Variants in KHDRBS2 observed in about 807,000 individuals in gnomAD.
KHDRBS2 encodes KH RNA binding domain containing, signal transduction associated 2.
A neutral mutation model predicts 44.3 loss-of-function variants in KHDRBS2; 26 were observed. That is an observed-to-expected ratio of 0.59 (90% CI 0.43 to 0.81). KHDRBS2 has a LOEUF of 0.81. KHDRBS2 is among the 40% of genes least tolerant of loss of function. The pLI, the probability that KHDRBS2 is intolerant of heterozygous loss-of-function variation, is 0.00. For missense variants in KHDRBS2, 476 were observed against 433.1 expected, an observed-to-expected ratio of 1.10 and a Z score of -0.88; for synonymous variants, 194 against 151.1, an observed-to-expected ratio of 1.28 and a Z score of -2.08.
chr6:62,127,920 G>T (rs1475300648), intron 2 of KHDRBS2, among the ~76,000 whole-genome samples: 1 of 152,078 alleles, frequency 6.6e-6, no homozygotes, highest in Non-Finnish European at 1.5e-5. Context: ...GTTAACATCT[G>T]CCAGGGACCA....
Position 61,753,529 on chromosome 6 carries a change from T to C in KHDRBS2, c.811-20765A>G, listed in dbSNP as rs1215857595. On this transcript the variant is annotated intron_variant, in intron 6 of 8. Coordinates refer to ENST00000281156, the MANE Select transcript of KHDRBS2 (RefSeq NM_152688.4). ...GAGAATTGCAATTCATAGTCAGCTC[T>C]GCTGAGTTAATCAATAGGATCTTTT... Among the ~76,000 whole-genome samples, 5 of 152,228 alleles carry C rather than the reference T, an allele frequency of 3.3e-5. 1 individual carries two copies. Among genetic ancestry groups the C allele is most frequent in the Admixed American group, 1.3e-4 (2 of 15,284 alleles).
the KHDRBS2 span, among the ~76,000 whole-genome samples, chr6:61,672,771 G>A: frequency 6.2e-4 from 92 of 149,468 alleles, no homozygotes; most frequent in African/African-American, 1.6e-3. Context: ...AGTAGGTTGC[G>A]AAAATTTTCT....
At chr6:62,232,420 G>A (rs1833032979) in intron 1 of KHDRBS2, among the ~76,000 whole-genome samples, 1 of 152,078 alleles carries the variant, frequency 6.6e-6, no homozygotes, top group African/African-American at 2.4e-5. Flanking sequence ...ATAGAATGGA[G>A]ATTATATTTT....
intron 3 of KHDRBS2, among the ~76,000 whole-genome samples, chr6:62,002,860 A>T (rs1778511774): frequency 6.6e-6 from 1 of 151,926 alleles, no homozygotes; most frequent in Non-Finnish European, 1.5e-5. Context: ...GTTAAGTTAA[A>T]ATATGAGATT....
At chr6:61,965,532 A>T (rs914739944) in intron 4 of KHDRBS2, among the ~76,000 whole-genome samples, 10 of 152,046 alleles carry the variant, frequency 6.6e-5, no homozygotes, top group African/African-American at 2.2e-4. Context: ...TTAAAAAGCA[A>T]GAGAGGGTAG....
intron 2 of KHDRBS2, among the ~76,000 whole-genome samples, chr6:62,116,926 C>T (rs1317643941): frequency 2.0e-5 from 3 of 152,134 alleles, no homozygotes; most frequent in Admixed American, 2.0e-4. Context: ...TGGGATTTCA[C>T]TCTTTTCTTT....
intron 2 of KHDRBS2, among the ~76,000 whole-genome samples, chr6:62,061,687 CT>C (rs1791950334): frequency 1.3e-5 from 2 of 150,994 alleles, no homozygotes; most frequent in Admixed American, 1.3e-4. Flanking sequence ...TCTTTGTGGC[CT>C]TCTCTGTATT....
At chr6:62,107,757 G>T (rs1013023043) in intron 2 of KHDRBS2, among the ~76,000 whole-genome samples, 2 of 152,014 alleles carry the variant, frequency 1.3e-5, no homozygotes, top group Admixed American at 1.3e-4. Flanking sequence ...TATAAATCAA[G>T]GGAACAGAAC....
At chr6:61,585,653 G>C in the KHDRBS2 span, among the ~76,000 whole-genome samples, 2 of 152,158 alleles carry the variant, frequency 1.3e-5, no homozygotes, top group African/African-American at 2.4e-5. Flanking sequence ...AGTCATCAAA[G>C]AGGTTATGGT....
At chr6:61,871,878 T>C (rs1426746842) in intron 6 of KHDRBS2, among the ~76,000 whole-genome samples, 1 of 147,822 alleles carries the variant, frequency 6.8e-6, no homozygotes, top group Admixed American at 7.0e-5. Context: ...TCACTCATAA[T>C]TGGGAACTGA....
At chr6:61,673,265 T>C in the KHDRBS2 span, among the ~76,000 whole-genome samples, 6 of 152,070 alleles carry the variant, frequency 3.9e-5, no homozygotes, top group Non-Finnish European at 7.4e-5. Context: ...TAGTATAGTT[T>C]GAAGTCAGAT....
At position 61,962,265 on chromosome 6, in the gene KHDRBS2, C is replaced by G. The variant is rs532728000; in HGVS notation, c.483+15801G>C. 1.6e-3 allele frequency among the ~76,000 whole-genome samples: 240 copies of G among 152,122 alleles called. 8 individuals are homozygous for G. In the South Asian group the frequency reaches 0.046, roughly 29 times the overall value. ...GGTTAGGTTCTAAAAAGCTGGTCTC[C>G]CTAGGCTCCTGCTTCAGTAGAAAGA... On this transcript the variant is annotated intron_variant, in intron 4 of 8. Transcript: ENST00000281156.
chr6:61,709,940 G>A (rs541881779), intron 7 of KHDRBS2, among the ~76,000 whole-genome samples: 1 of 151,672 alleles, frequency 6.6e-6, no homozygotes, highest in Non-Finnish European at 1.5e-5. Context: ...TAATCTAGTT[G>A]ACTTTGCTAC....
At chr6:61,995,783 T>G (rs2127253784) in intron 3 of KHDRBS2, among the ~76,000 whole-genome samples, 1 of 152,278 alleles carries the variant, frequency 6.6e-6, no homozygotes, top group African/African-American at 2.4e-5. Flanking sequence ...AATCAGATAG[T>G]AGTTTATAAA....
intron 2 of KHDRBS2, among the ~76,000 whole-genome samples, chr6:62,138,326 A>C (rs1812018702): frequency 6.6e-6 from 1 of 152,206 alleles, no homozygotes; most frequent in South Asian, 2.1e-4. Context: ...CTAATCAGAT[A>C]ATTTGAAGAT....
intron 1 of KHDRBS2, among the ~76,000 whole-genome samples, chr6:62,263,644 G>C (rs1277655352): frequency 6.6e-6 from 1 of 151,396 alleles, no homozygotes; most frequent in African/African-American, 2.4e-5. Context: ...TCTTCACAAA[G>C]GTACATAATA....
intron 4 of KHDRBS2, among the ~76,000 whole-genome samples, chr6:61,977,613 A>G (rs1432997100): frequency 1.3e-5 from 2 of 152,174 alleles, no homozygotes; most frequent in Non-Finnish European, 2.9e-5. Context: ...ATGAAAATAC[A>G]TTGGATATGT....
At chr6:61,950,498 G>T (rs1473995908) in intron 4 of KHDRBS2, among the ~76,000 whole-genome samples, 1 of 151,852 alleles carries the variant, frequency 6.6e-6, no homozygotes, top group African/African-American at 2.4e-5. Context: ...ATGAATCAAT[G>T]ATGTTGATAT....
chr6:62,172,653 T>TA (rs1435473389), intron 2 of KHDRBS2, among the ~76,000 whole-genome samples: 1 of 120,314 alleles, frequency 8.3e-6, no homozygotes, highest in Non-Finnish European at 1.6e-5. Flanking sequence ...CATGGCACTT[T>TA]AAAATTGACC....
Sources: gnomAD v4.1 joint callset for allele counts (sites outside exome capture counted in the v4.1 genomes callset) on GRCh38, gnomAD v4.1.1 for gene constraint, MANE v1.5 for transcripts, NCBI Gene and HGNC (gene_info 2026-07-23, HGNC 2026-07-21) for gene names.